The following ABCG2 variants were observed in gnomAD, a reference collection of about 807,000 sequenced individuals.
ABCG2 encodes the protein broad substrate specificity ATP-binding cassette transporter ABCG2.
In ABCG2, 80 loss-of-function variants were observed where a neutral mutation model predicts 73.5. That is an observed-to-expected ratio of 1.09 (90% CI 0.91 to 1.31). The LOEUF is 1.31. Ranked by LOEUF, ABCG2 falls within the 50% of genes most tolerant of loss-of-function variation. ABCG2 has a pLI of 0.00. For missense variants in ABCG2, 796 were observed against 786.2 expected, an observed-to-expected ratio of 1.01 and a Z score of -0.15; for synonymous variants, 269 against 282.4, an observed-to-expected ratio of 0.95 and a Z score of 0.48.
At chr4:88,154,460 G>A (rs897105083) in intron 1 of ABCG2, among the ~76,000 whole-genome samples, 3 of 152,132 alleles carry the variant, frequency 2.0e-5, no homozygotes, top group African/African-American at 7.2e-5. Flanking sequence ...CAATGAGTTC[G>A]GCTTGCTGAG....
At chr4:88,156,202 C>T (rs983228089) in intron 1 of ABCG2, among the ~76,000 whole-genome samples, 9 of 151,588 alleles carry the variant, frequency 5.9e-5, no homozygotes, top group Non-Finnish European at 1.2e-4. Context: ...TGGAAAACCC[C>T]GTCTCTACTA....
At chr4:88,170,874 T>C (rs996229024) in intron 1 of ABCG2, among the ~76,000 whole-genome samples, 17 of 152,242 alleles carry the variant, frequency 1.1e-4, no homozygotes, top group Admixed American at 6.5e-5. Context: ...ATAAAGAAAA[T>C]GCACTGGTAT....
intron 9 of ABCG2, among the ~76,000 whole-genome samples, chr4:88,112,223 A>G (rs1723184388): frequency 6.6e-6 from 1 of 152,254 alleles, no homozygotes; most frequent in Admixed American, 6.5e-5. Context: ...AACAATGAAT[A>G]GCCTTGTTCT....
chr4:88,176,179 G>C (rs1402276550), intron 1 of ABCG2, among the ~76,000 whole-genome samples: 3 of 150,410 alleles, frequency 2.0e-5, no homozygotes, highest in Non-Finnish European at 2.9e-5. Context: ...TTTTTTTGTG[G>C]AGACAGGGTC....
At chr4:88,151,840 T>C (rs563166738) in intron 1 of ABCG2, among the ~76,000 whole-genome samples, 2 of 152,134 alleles carry the variant, frequency 1.3e-5, no homozygotes, top group African/African-American at 2.4e-5. Flanking sequence ...TGATCCAGTA[T>C]ACAAAGATAT....
At chr4:88,192,308 A>C (rs537536518) in intron 1 of ABCG2, among the ~76,000 whole-genome samples, 1 of 152,318 alleles carries the variant, frequency 6.6e-6, no homozygotes, top group Non-Finnish European at 1.5e-5. Flanking sequence ...TAATGACTAT[A>C]CTATTCTATA....
At chr4:88,158,764 G>A (rs1436110465), upstream of ABCG2, 2 of 371,136 alleles carry the variant, frequency 5.4e-6, no homozygotes, top group Admixed American at 7.0e-5. Flanking sequence ...GGCGGCCGGC[G>A]TGGGAGGCGC....
chr4:88,152,667 T>C (rs1726588214), intron 1 of ABCG2, among the ~76,000 whole-genome samples: 1 of 152,204 alleles, frequency 6.6e-6, no homozygotes, highest in Admixed American at 6.5e-5. Context: ...ACCAACCATC[T>C]GGATGTATAT....
chr4:88,103,151 A>G (rs1034991021), intron 10 of ABCG2, among the ~76,000 whole-genome samples: 1 of 152,242 alleles, frequency 6.6e-6, no homozygotes, highest in African/African-American at 2.4e-5. Context: ...ACATGCAGTT[A>G]TCTCACTTTC....
chr4:88,179,969 AGTTATTGGCCTTAAAG>A (rs1728167547), intron 1 of ABCG2, among the ~76,000 whole-genome samples: 1 of 152,196 alleles, frequency 6.6e-6, no homozygotes, highest in Admixed American at 6.5e-5. Context: ...CAAAGCTAAG[AGTTATTGGCCTTAAAG>A]AGGAGGTAGA....
At chr4:88,136,724 T>C (rs1725271302) in intron 2 of ABCG2, among the ~76,000 whole-genome samples, 1 of 150,902 alleles carries the variant, frequency 6.6e-6, no homozygotes, top group Admixed American at 6.6e-5. Context: ...TTTGTTTAAT[T>C]ACAAAAAGAG....
chr4:88,201,209 CAAAA>C (rs3061250), intron 1 of ABCG2, among the ~76,000 whole-genome samples: 18 of 106,312 alleles, frequency 1.7e-4, no homozygotes, highest in Non-Finnish European at 1.9e-5. Flanking sequence ...GCACTAACTG[CAAAA>C]AAAAAAAAAA....
At chr4:88,176,532 G>A (rs1454015389) in intron 1 of ABCG2, among the ~76,000 whole-genome samples, 2 of 139,032 alleles carry the variant, frequency 1.4e-5, no homozygotes, top group African/African-American at 2.7e-5. Flanking sequence ...TCAGGTTGGA[G>A]TGTGATGGCC....
At chr4:88,158,698 G>C, upstream of ABCG2, 1 of 455,712 alleles carries the variant, frequency 2.2e-6, no homozygotes, top group Admixed American at 2.3e-5. Flanking sequence ...CAGCCCGCGC[G>C]CGGCACAACC....
intron 2 of ABCG2, among the ~76,000 whole-genome samples, chr4:88,138,647 A>T (rs1725406958): frequency 6.6e-6 from 1 of 152,194 alleles, no homozygotes; most frequent in Admixed American, 6.6e-5. Flanking sequence ...GAAAGACTGG[A>T]AATACTACAG....
At chr4:88,112,112 A>G (rs1012452298) in intron 9 of ABCG2, among the ~76,000 whole-genome samples, 1 of 152,108 alleles carries the variant, frequency 6.6e-6, no homozygotes, top group African/African-American at 2.4e-5. Context: ...TGTAAAGAAA[A>G]GAATAACAAA....
Position 88,131,117 on chromosome 4 carries a change from C to T in ABCG2, c.475G>A (p.Glu159Lys), listed in dbSNP as rs769012528. Reference protein sequence around the residue: ...ATTMTNHEKNERINRVIQELG... With the variant: ...ATTMTNHEKNKRINRVIQELG... ...TCTTGAATGACCCTGTTAATCCGTT[C>T]GTTTTTTTCATGATTCGTCATAGTT... The change falls in exon 5 of 16, where the codon GAA becomes AAA. Residue 159 changes from glutamate (E) to lysine (K), a missense_variant. Transcript: ENST00000237612. 3.7e-6 allele frequency: 6 copies of T among 1,613,922 alleles called. No individual in the cohort carries two copies. Among genetic ancestry groups the T allele is most frequent in the East Asian group, 2.2e-5 (1 of 44,876 alleles).
At chr4:88,096,193 CAGT>C (rs936189315) in intron 13 of ABCG2, among the ~76,000 whole-genome samples, 10 of 152,180 alleles carry the variant, frequency 6.6e-5, no homozygotes, top group African/African-American at 1.9e-4. Context: ...TAAGCAGGAT[CAGT>C]GCTATCATTT....
At chr4:88,122,095 G>A (rs576449327) in intron 5 of ABCG2, among the ~76,000 whole-genome samples, 3 of 152,104 alleles carry the variant, frequency 2.0e-5, no homozygotes, top group Admixed American at 6.5e-5. Flanking sequence ...AAGAGAAGCC[G>A]TGAGGGACTG....
Sources: gnomAD v4.1 joint callset for allele counts (sites outside exome capture counted in the v4.1 genomes callset) on GRCh38, gnomAD v4.1.1 for gene constraint, MANE v1.5 for transcripts, NCBI Gene and HGNC (gene_info 2026-07-23, HGNC 2026-07-21) for gene names.